The following PHLPP1 variants were observed in gnomAD, a reference collection of about 807,000 sequenced individuals.
PHLPP1 encodes the protein PH domain and leucine rich repeat protein phosphatase 1.
Under a neutral mutation model 117.2 loss-of-function variants are expected in PHLPP1, and 42 were observed. The ratio of observed to expected loss-of-function variants is 0.36; its 90% CI spans 0.28 to 0.46. PHLPP1 has a LOEUF of 0.46. Ranked by LOEUF, PHLPP1 falls within the 20% of genes least tolerant of loss-of-function variation. The pLI is 1.00. For missense variants in PHLPP1, 2,084 were observed against 2,241.9 expected, an observed-to-expected ratio of 0.93 and a Z score of 1.42; for synonymous variants, 1,042 against 970.7, an observed-to-expected ratio of 1.07 and a Z score of -1.37.
intron 8 of PHLPP1, among the ~76,000 whole-genome samples, chr18:62,913,836 CG>C (rs1223547188): frequency 6.6e-6 from 1 of 151,064 alleles, no homozygotes; most frequent in Non-Finnish European, 1.5e-5. Flanking sequence ...CTCCGCCTCC[CG>C]GGTTCAAACG....
At chr18:62,865,195 A>T (rs1915741268) in intron 4 of PHLPP1, among the ~76,000 whole-genome samples, 2 of 152,128 alleles carry the variant, frequency 1.3e-5, no homozygotes, top group Non-Finnish European at 2.9e-5. Context: ...GTATAGTAGC[A>T]CATGCTTGTA....
chr18:62,835,154 T>A (rs1914856322), intron 2 of PHLPP1, among the ~76,000 whole-genome samples: 1 of 152,100 alleles, frequency 6.6e-6, no homozygotes, highest in Non-Finnish European at 1.5e-5. Context: ...CAGGAAGATC[T>A]AGTACAGTGT....
chr18:62,815,824 C>G (rs7243647), intron 1 of PHLPP1, among the ~76,000 whole-genome samples: 1 of 152,070 alleles, frequency 6.6e-6, no homozygotes, highest in Non-Finnish European at 1.5e-5. Context: ...TAAACTTGTT[C>G]TGTTCTTAAA....
At chr18:62,782,693 A>G (rs750404680) in intron 1 of PHLPP1, among the ~76,000 whole-genome samples, 3 of 152,194 alleles carry the variant, frequency 2.0e-5, no homozygotes, top group Non-Finnish European at 4.4e-5. Context: ...TGACTTTAAT[A>G]TCTATCCCTA....
chr18:62,863,668 TG>T (rs1039767872), intron 4 of PHLPP1, among the ~76,000 whole-genome samples: 14 of 152,360 alleles, frequency 9.2e-5, no homozygotes, highest in African/African-American at 3.4e-4. Context: ...CTCATGGTGC[TG>T]GTGGGAGTGT....
chr18:62,915,256 AT>A (rs1222659810), intron 9 of PHLPP1, among the ~76,000 whole-genome samples: 1 of 152,178 alleles, frequency 6.6e-6, no homozygotes, highest in African/African-American at 2.4e-5. Context: ...CTTGGTGGAA[AT>A]TTTTAAGTAA....
intron 14 of PHLPP1, among the ~76,000 whole-genome samples, chr18:62,966,045 T>C (rs1910895008): frequency 6.6e-6 from 1 of 152,138 alleles, no homozygotes; most frequent in Non-Finnish European, 1.5e-5. Flanking sequence ...AGGATTGAGA[T>C]AGAAGCCAGG....
chr18:62,874,886 T>C (rs895617512), intron 4 of PHLPP1, among the ~76,000 whole-genome samples: 13 of 152,238 alleles, frequency 8.5e-5, no homozygotes, highest in African/African-American at 3.1e-4. Flanking sequence ...ACATTATAGC[T>C]AAATGACATT....
At chr18:62,718,682 A>G (rs1910832341) in intron 1 of PHLPP1, among the ~76,000 whole-genome samples, 1 of 152,262 alleles carries the variant, frequency 6.6e-6, no homozygotes, top group Non-Finnish European at 1.5e-5. Flanking sequence ...AAGATCAACA[A>G]CTGTATTCTT....
intron 1 of PHLPP1, among the ~76,000 whole-genome samples, chr18:62,719,387 G>A (rs1910850063): frequency 6.6e-6 from 1 of 152,174 alleles, no homozygotes; most frequent in South Asian, 2.1e-4. Context: ...TTTAGTGTAT[G>A]GTGAATCCAC....
chr18:62,852,417 C>T (rs1915378958), intron 3 of PHLPP1, among the ~76,000 whole-genome samples: 1 of 152,154 alleles, frequency 6.6e-6, no homozygotes, highest in Non-Finnish European at 1.5e-5. Context: ...AATCTCGGCT[C>T]ACTGCGAGCT....
Position 62,736,675 on chromosome 18 carries a change from G to A in PHLPP1, c.1576+19416G>A, listed in dbSNP as rs149945806. Among the ~76,000 whole-genome samples the A allele has an allele frequency of 3.6e-3, 549 of 152,278 alleles. 9 individuals carry two copies. The highest frequency in any genetic ancestry group is 0.025 in the Admixed American group (387 of 15,298). ...TGGTATTTACAATTTAACATTGAAG[G>A]ACTGGTTTTGCTGAGGCATGAGTTT... is the stretch of plus-strand genomic sequence containing the variant. On this transcript the variant is annotated intron_variant, in intron 1 of 16. Transcript: ENST00000262719.
At chr18:62,869,798 AG>A (rs1915854389) in intron 4 of PHLPP1, among the ~76,000 whole-genome samples, 1 of 152,220 alleles carries the variant, frequency 6.6e-6, no homozygotes, top group African/African-American at 2.4e-5. Flanking sequence ...TGGGGAAGAT[AG>A]GCCTAGGGGA....
At chr18:62,783,435 A>G (rs181934818) in intron 1 of PHLPP1, among the ~76,000 whole-genome samples, 2 of 152,136 alleles carry the variant, frequency 1.3e-5, no homozygotes, top group East Asian at 1.9e-4. Context: ...TCACCATGTT[A>G]GCCAGGATGG....
Position 62,935,039 on chromosome 18 carries a change from G to A in PHLPP1, c.2961-6679G>A, listed in dbSNP as rs567522574. On this transcript the variant is annotated intron_variant, in intron 10 of 16. Transcript: ENST00000262719. ...ATTAGATATATTAGCCAGGTAATTA[G>A]ACAAGAAAAGATCAATTAGAGGCAT... 2.6e-5 allele frequency among the ~76,000 whole-genome samples: 4 copies of A among 152,266 alleles called. No homozygotes were observed. The South Asian group carries it at 8.3e-4, about 32-fold the overall frequency.
intron 3 of PHLPP1, among the ~76,000 whole-genome samples, chr18:62,859,824 C>A (rs1319271119): frequency 6.6e-6 from 1 of 152,158 alleles, no homozygotes; most frequent in Non-Finnish European, 1.5e-5. Flanking sequence ...ATGGAATAAT[C>A]TATGTTCTTT....
intron 1 of PHLPP1, among the ~76,000 whole-genome samples, chr18:62,741,522 A>G (rs1911526942): frequency 6.6e-6 from 1 of 152,104 alleles, no homozygotes; most frequent in Non-Finnish European, 1.5e-5. Context: ...CATAAAACGT[A>G]AGACAGTACT....
chr18:62,734,493 T>C (rs1206668517), intron 1 of PHLPP1, among the ~76,000 whole-genome samples: 1 of 152,236 alleles, frequency 6.6e-6, no homozygotes, highest in Non-Finnish European at 1.5e-5. Context: ...ATAAATTATT[T>C]TTATCTTGAG....
chr18:62,905,492 C>A (rs1300056530), intron 8 of PHLPP1, among the ~76,000 whole-genome samples: 2 of 152,240 alleles, frequency 1.3e-5, no homozygotes, highest in East Asian at 3.9e-4. Flanking sequence ...CTGTGCACAC[C>A]AATTTGAACA....
Sources: allele counts gnomAD v4.1 joint callset (sites outside exome capture counted in the v4.1 genomes callset), GRCh38; gene constraint gnomAD v4.1.1; transcripts MANE v1.5; gene names NCBI Gene and HGNC (gene_info 2026-07-23, HGNC 2026-07-21).